The following HCN1 variants were observed in gnomAD, a reference collection of about 807,000 sequenced individuals.
HCN1 encodes hyperpolarization activated cyclic nucleotide gated potassium channel 1.
HCN1 carries 13 observed loss-of-function variants against 78.9 expected under a neutral mutation model. That is an observed-to-expected ratio of 0.16 (90% CI 0.11 to 0.26). The LOEUF (loss-of-function observed/expected upper bound fraction) is 0.26, where lower values mean the gene tolerates loss of function less well. HCN1 is among the 10% of genes least tolerant of loss of function. The probability of loss-of-function intolerance (pLI) is 1.00; values close to 1 mark genes in which losing one functional copy is unlikely to be tolerated. For missense variants in HCN1, 810 were observed against 1,154.3 expected, an observed-to-expected ratio of 0.70 and a Z score of 4.32; for synonymous variants, 552 against 455.5, an observed-to-expected ratio of 1.21 and a Z score of -2.70.
At chr5:45,277,836 T>C (rs1480943867) in intron 6 of HCN1, among the ~76,000 whole-genome samples, 3 of 152,130 alleles carry the variant, frequency 2.0e-5, no homozygotes, top group Non-Finnish European at 2.9e-5. Context: ...GAATTAATCA[T>C]ACCCATTGTT....
chr5:45,411,088 C>A (rs1014460925), intron 3 of HCN1, among the ~76,000 whole-genome samples: 48 of 152,162 alleles, frequency 3.2e-4, no homozygotes, highest in African/African-American at 1.1e-3. Context: ...CCTAGAGAAT[C>A]ACTTGTCTCT....
intron 5 of HCN1, among the ~76,000 whole-genome samples, chr5:45,340,162 C>G (rs541244617): frequency 3.3e-4 from 50 of 152,228 alleles, no homozygotes; most frequent in Non-Finnish European, 5.9e-4. Flanking sequence ...CTCAGGCAAC[C>G]CACCTGCATC....
At chr5:45,317,901 A>G (rs552960358) in intron 5 of HCN1, among the ~76,000 whole-genome samples, 33 of 152,298 alleles carry the variant, frequency 2.2e-4, no homozygotes, top group Admixed American at 9.8e-4. Flanking sequence ...CGATCATTAA[A>G]AAGTCAGGAA....
At chr5:45,449,570 T>G (rs1481707090) in intron 3 of HCN1, among the ~76,000 whole-genome samples, 1 of 152,106 alleles carries the variant, frequency 6.6e-6, no homozygotes, top group Non-Finnish European at 1.5e-5. Flanking sequence ...TTTTGGACCT[T>G]CTAGTATGCT....
intron 2 of HCN1, among the ~76,000 whole-genome samples, chr5:45,499,552 C>T (rs542465326): frequency 5.9e-4 from 90 of 152,266 alleles, no homozygotes; most frequent in African/African-American, 1.8e-3. Context: ...CCGTCTTCTG[C>T]GTCGCTTACG....
At chr5:45,367,229 A>G (rs1318933854) in intron 4 of HCN1, among the ~76,000 whole-genome samples, 3 of 151,782 alleles carry the variant, frequency 2.0e-5, no homozygotes, top group Admixed American at 6.6e-5. Context: ...TCAATGATTG[A>G]TTTCAAAAGA....
chr5:45,308,000 G>A (rs904492646), intron 5 of HCN1, among the ~76,000 whole-genome samples: 3 of 152,096 alleles, frequency 2.0e-5, no homozygotes, highest in Non-Finnish European at 4.4e-5. Context: ...CAATGTTGGA[G>A]GTGGTGCATG....
At chr5:45,264,860 A>T (rs1410471429) in intron 7 of HCN1, among the ~76,000 whole-genome samples, 2 of 152,170 alleles carry the variant, frequency 1.3e-5, no homozygotes, top group Admixed American at 1.3e-4. Context: ...CATTGCCTGT[A>T]TTGATTACGA....
chr5:45,553,797 C>G (rs1341747779), intron 2 of HCN1, among the ~76,000 whole-genome samples: 1 of 151,686 alleles, frequency 6.6e-6, no homozygotes, highest in Non-Finnish European at 1.5e-5. Flanking sequence ...GTTTTTTAAT[C>G]CTTTCATGCT....
intron 4 of HCN1, among the ~76,000 whole-genome samples, chr5:45,364,124 G>A (rs1035234819): frequency 6.6e-6 from 1 of 151,956 alleles, no homozygotes. Context: ...TCTGGCTTTC[G>A]TGTTTCTTCT....
chr5:45,385,085 C>G (rs957893744), intron 4 of HCN1, among the ~76,000 whole-genome samples: 1 of 152,072 alleles, frequency 6.6e-6, no homozygotes, highest in Admixed American at 6.6e-5. Flanking sequence ...TTTAAAATGT[C>G]GATATATGCT....
chr5:45,613,972 C>T lies in HCN1; in HGVS notation c.849+31213G>A, dbSNP rs376826086. Among the ~76,000 whole-genome samples the T allele has an allele frequency of 3.7e-4, 57 of 152,118 alleles. 1 individual carries two copies. In the South Asian group the frequency reaches 0.012, roughly 31 times the overall value. ...AAATGGTTACTGTAATAAAATAAGT[C>T]CAGTAATCATTTTTAAAACATAGCT... On this transcript the variant is annotated intron_variant, in intron 2 of 7. Transcript: ENST00000303230.
At chr5:45,267,641 G>T (rs1216226898) in intron 6 of HCN1, among the ~76,000 whole-genome samples, 1 of 151,904 alleles carries the variant, frequency 6.6e-6, no homozygotes. Flanking sequence ...GGTGGCAGGC[G>T]CCTGTAGTCC....
chr5:45,494,525 G>A lies in HCN1; in HGVS notation c.850-32518C>T, dbSNP rs902501927. Reference sequence around the variant, plus strand: ...GCCCTTTGACAGATGAGTAGGTTGCGAAAATTTTCTCCCATTTTGTGGGTT... The same window carrying A: ...GCCCTTTGACAGATGAGTAGGTTGCAAAAATTTTCTCCCATTTTGTGGGTT... On this transcript the variant is annotated intron_variant, in intron 2 of 7. Coordinates refer to ENST00000303230, the MANE Select transcript of HCN1 (RefSeq NM_021072.4). 2.1e-3 allele frequency among the ~76,000 whole-genome samples: 314 copies of A among 151,752 alleles called. 2 individuals carry two copies. Among genetic ancestry groups the A allele is most frequent in the Middle Eastern group, 6.8e-3 (2 of 294 alleles).
At chr5:45,609,011 A>ATTTGGTTTGT (rs1744780632) in intron 2 of HCN1, among the ~76,000 whole-genome samples, 1 of 152,092 alleles carries the variant, frequency 6.6e-6, no homozygotes, top group East Asian at 1.9e-4. Flanking sequence ...GGGAAATGCA[A>ATTTGGTTTGT]ATTCAAACCA....
intron 6 of HCN1, among the ~76,000 whole-genome samples, chr5:45,296,218 C>G (rs1449083661): frequency 6.6e-6 from 1 of 151,838 alleles, no homozygotes; most frequent in Non-Finnish European, 1.5e-5. Context: ...TTACATGGAA[C>G]ATTTATCAAG....
At chr5:45,483,544 C>T (rs1444855641) in intron 2 of HCN1, among the ~76,000 whole-genome samples, 4 of 152,060 alleles carry the variant, frequency 2.6e-5, no homozygotes, top group South Asian at 2.1e-4. Context: ...TGCATAGTTT[C>T]GAATATGTTC....
intron 2 of HCN1, among the ~76,000 whole-genome samples, chr5:45,572,196 A>G (rs1313745014): frequency 6.6e-6 from 1 of 152,228 alleles, no homozygotes; most frequent in East Asian, 1.9e-4. Context: ...TAAAAAATAT[A>G]TACCCTTCAA....
intron 2 of HCN1, among the ~76,000 whole-genome samples, chr5:45,523,849 A>G (rs1319363253): frequency 6.6e-6 from 1 of 152,070 alleles, no homozygotes; most frequent in Non-Finnish European, 1.5e-5. Context: ...TGCTGTGCAG[A>G]AGCTCTTTAG....
Sources: gnomAD v4.1 joint callset for allele counts (sites outside exome capture counted in the v4.1 genomes callset) on GRCh38, gnomAD v4.1.1 for gene constraint, MANE v1.5 for transcripts, NCBI Gene and HGNC (gene_info 2026-07-23, HGNC 2026-07-21) for gene names.